The following ARL15 variants were observed in gnomAD, a reference collection of about 807,000 sequenced individuals.
ARL15 encodes the protein ADP-ribosylation factor-like protein 15.
Under a neutral mutation model 25.2 loss-of-function variants are expected in ARL15, and 19 were observed. That is an observed-to-expected ratio of 0.75 (90% CI 0.53 to 1.10). ARL15 has a LOEUF of 1.10. Ranked by LOEUF, ARL15 falls within the 50% of genes least tolerant of loss-of-function variation. The pLI is 0.00. For synonymous variants in ARL15, 94 were observed against 86.8 expected, an observed-to-expected ratio of 1.08 and a Z score of -0.46; for missense variants, 220 against 246.0, an observed-to-expected ratio of 0.89 and a Z score of 0.71.
At chr5:53,937,316 C>G (rs932708812) in intron 4 of ARL15, among the ~76,000 whole-genome samples, 2 of 152,064 alleles carry the variant, frequency 1.3e-5, no homozygotes, top group Non-Finnish European at 2.9e-5. Context: ...CACACACACA[C>G]AGCCTGATGT....
chr5:54,193,447 GGGAGCATTGT>G (rs2112462431), intron 1 of ARL15, among the ~76,000 whole-genome samples: 1 of 152,304 alleles, frequency 6.6e-6, no homozygotes, highest in South Asian at 2.1e-4. Context: ...AGGTGAGCAA[GGGAGCATTGT>G]GGCTTGAGCT....
At chr5:54,263,459 T>C (rs1757546732) in intron 1 of ARL15, among the ~76,000 whole-genome samples, 1 of 151,786 alleles carries the variant, frequency 6.6e-6, no homozygotes, top group African/African-American at 2.4e-5. Context: ...AAGATAAGGG[T>C]GAAGGGGAAA....
intron 4 of ARL15, among the ~76,000 whole-genome samples, chr5:54,054,734 G>A (rs1466327031): frequency 6.6e-6 from 1 of 152,128 alleles, no homozygotes; most frequent in Admixed American, 6.5e-5. Context: ...AGCTTGCAGT[G>A]AGCCAAGATC....
At chr5:54,097,799 A>T (rs916583549) in intron 4 of ARL15, among the ~76,000 whole-genome samples, 1 of 152,210 alleles carries the variant, frequency 6.6e-6, no homozygotes, top group Non-Finnish European at 1.5e-5. Flanking sequence ...ATTTGGTTTG[A>T]CCAATTAACG....
intron 3 of ARL15, among the ~76,000 whole-genome samples, chr5:54,128,046 G>T (rs1050395053): frequency 6.6e-6 from 1 of 152,114 alleles, no homozygotes; most frequent in African/African-American, 2.4e-5. Context: ...ACTTCTGTTC[G>T]TTATAAATTA....
intron 4 of ARL15, among the ~76,000 whole-genome samples, chr5:53,962,881 G>A (rs2112155153): frequency 6.6e-6 from 1 of 151,992 alleles, no homozygotes; most frequent in East Asian, 1.9e-4. Flanking sequence ...TTTTTTTTAA[G>A]TGAGGGCTGT....
At chr5:54,262,192 TCAA>T (rs1354775820) in intron 1 of ARL15, among the ~76,000 whole-genome samples, 2 of 152,146 alleles carry the variant, frequency 1.3e-5, no homozygotes, top group Non-Finnish European at 2.9e-5. Context: ...TTCCTGTCTC[TCAA>T]CAACATTTTC....
At chr5:53,963,899 G>A (rs1263680146) in intron 4 of ARL15, among the ~76,000 whole-genome samples, 3 of 151,752 alleles carry the variant, frequency 2.0e-5, no homozygotes, top group African/African-American at 7.3e-5. Flanking sequence ...TGATTGCCAC[G>A]AGAATTCTGG....
At chr5:53,896,121 C>T (rs1455888687) in intron 4 of ARL15, among the ~76,000 whole-genome samples, 2 of 152,158 alleles carry the variant, frequency 1.3e-5, no homozygotes, top group African/African-American at 4.8e-5. Flanking sequence ...GCAACCTCCA[C>T]CTCCCAGGTT....
At chr5:54,084,969 C>G (rs1751917575) in intron 4 of ARL15, among the ~76,000 whole-genome samples, 1 of 152,104 alleles carries the variant, frequency 6.6e-6, no homozygotes, top group African/African-American at 2.4e-5. Flanking sequence ...GATATTATGG[C>G]TTTGGCTAAT....
intron 3 of ARL15, among the ~76,000 whole-genome samples, chr5:54,134,233 G>A (rs1007879516): frequency 3.9e-5 from 6 of 152,318 alleles, no homozygotes; most frequent in Admixed American, 3.9e-4. Flanking sequence ...CTTTTGGACT[G>A]ACTTGCTAGG....
At chr5:54,136,511 C>A (rs1753607257) in intron 3 of ARL15, among the ~76,000 whole-genome samples, 1 of 152,044 alleles carries the variant, frequency 6.6e-6, no homozygotes, top group Non-Finnish European at 1.5e-5. Flanking sequence ...CAAATTAAAA[C>A]CATGAAATAG....
In ARL15 at chr5:53,961,970, A is replaced by G. The variant is rs550726779; in HGVS notation, c.463-75257T>C. Among the ~76,000 whole-genome samples, 21 of 152,332 alleles carry G rather than the reference A, an allele frequency of 1.4e-4. 1 individual carries two copies. In the South Asian group the frequency reaches 4.3e-3, roughly 32 times the overall value. On this transcript the variant is annotated intron_variant, in intron 4 of 4. Transcript: ENST00000504924. ...CTACAGATGTAATGTAATTAATTCAACCAGTTCCCTACTGATAGGCATTTA... is the reference window on the plus strand; with the variant it reads ...CTACAGATGTAATGTAATTAATTCAGCCAGTTCCCTACTGATAGGCATTTA...
intron 4 of ARL15, among the ~76,000 whole-genome samples, chr5:53,907,955 T>G (rs1745326855): frequency 6.6e-6 from 1 of 152,174 alleles, no homozygotes; most frequent in Non-Finnish European, 1.5e-5. Context: ...CAGTCCTATT[T>G]TTTCAACAGT....
intron 4 of ARL15, among the ~76,000 whole-genome samples, chr5:54,061,740 A>G (rs1751068490): frequency 6.6e-6 from 1 of 152,210 alleles, no homozygotes; most frequent in South Asian, 2.1e-4. Flanking sequence ...AACCTCTGCT[A>G]GGGCAGTGCA....
intron 3 of ARL15, among the ~76,000 whole-genome samples, chr5:54,117,370 T>TACAC (rs71600803): frequency 0.097 from 13,958 of 143,712 alleles, 1,240 homozygotes; most frequent in East Asian, 0.35. Flanking sequence ...GTGAGACACA[T>TACAC]ACACACACAC....
At chr5:54,292,111 G>A (rs1213755664) in intron 1 of ARL15, among the ~76,000 whole-genome samples, 1 of 152,006 alleles carries the variant, frequency 6.6e-6, no homozygotes, top group Non-Finnish European at 1.5e-5. Flanking sequence ...TTGTCCCCAG[G>A]GACTCACCCT....
intron 4 of ARL15, among the ~76,000 whole-genome samples, chr5:54,111,290 C>T (rs7717368): frequency 1.3e-5 from 2 of 151,982 alleles, no homozygotes; most frequent in Admixed American, 1.3e-4. Flanking sequence ...AGTTTAGAAT[C>T]ATTTTCAGAC....
intron 1 of ARL15, among the ~76,000 whole-genome samples, chr5:54,259,286 A>T (rs1394788553): frequency 6.6e-6 from 1 of 152,182 alleles, no homozygotes; most frequent in African/African-American, 2.4e-5. Flanking sequence ...ACACACATAT[A>T]AACTTAACCT....
Sources: allele counts gnomAD v4.1 joint callset (sites outside exome capture counted in the v4.1 genomes callset), GRCh38; gene constraint gnomAD v4.1.1; transcripts MANE v1.5; gene names NCBI Gene and HGNC (gene_info 2026-07-23, HGNC 2026-07-21).